NLGN1: variants seen among roughly 807,000 people sequenced by gnomAD.
The protein encoded by NLGN1 is neuroligin 1.
NLGN1 carries 12 observed loss-of-function variants against 65.5 expected under a neutral mutation model. The observed-to-expected ratio is 0.18, with a 90% CI of 0.12 to 0.30. NLGN1 has a LOEUF of 0.30. Ranked by LOEUF, NLGN1 falls within the 10% of genes least tolerant of loss-of-function variation. The probability of loss-of-function intolerance (pLI) is 1.00; values close to 1 mark genes in which losing one functional copy is unlikely to be tolerated. For synonymous variants in NLGN1, 350 were observed against 359.5 expected (o/e 0.97, Z 0.30); for missense variants, 750 against 1,007.1 (o/e 0.74, Z 3.46).
chr3:173,672,051 G>A (rs1285598072), intron 3 of NLGN1, among the ~76,000 whole-genome samples: 1 of 152,162 alleles, frequency 6.6e-6, no homozygotes, highest in African/African-American at 2.4e-5. Flanking sequence ...GCAGATGCCT[G>A]TAGTCCCAGC....
intron 4 of NLGN1, among the ~76,000 whole-genome samples, chr3:173,994,907 G>A (rs968653790): frequency 6.6e-5 from 10 of 152,090 alleles, no homozygotes; most frequent in African/African-American, 2.4e-4. Context: ...GGAAACATAA[G>A]GAGAAGGATG....
At chr3:174,000,344 C>T (rs989021679) in intron 4 of NLGN1, among the ~76,000 whole-genome samples, 4 of 152,250 alleles carry the variant, frequency 2.6e-5, no homozygotes, top group African/African-American at 7.2e-5. Context: ...GCTCTATTCA[C>T]ATTCGTTTTC....
At chr3:173,682,471 C>A (rs1187342753) in intron 3 of NLGN1, among the ~76,000 whole-genome samples, 1 of 151,544 alleles carries the variant, frequency 6.6e-6, no homozygotes, top group Admixed American at 6.6e-5. Flanking sequence ...TGCCTGTAGT[C>A]CCAACTACTC....
intron 4 of NLGN1, among the ~76,000 whole-genome samples, chr3:174,004,163 TGTAGCCC>T: frequency 6.6e-6 from 1 of 152,192 alleles, no homozygotes; most frequent in East Asian, 1.9e-4. Context: ...CTTCAATTTG[TGTAGCCC>T]AAAGATTCCT....
chr3:174,265,415 A>G (rs1747865687), intron 4 of NLGN1, among the ~76,000 whole-genome samples: 1 of 152,046 alleles, frequency 6.6e-6, no homozygotes, highest in African/African-American at 2.4e-5. Flanking sequence ...CGAAAAGCAC[A>G]ATATTCGGAT....
chr3:173,489,256 C>A (rs1179495541), intron 2 of NLGN1, among the ~76,000 whole-genome samples: 1 of 151,834 alleles, frequency 6.6e-6, no homozygotes, highest in Non-Finnish European at 1.5e-5. Context: ...CACAACAGGC[C>A]CCAGTGTGTG....
At chr3:173,418,955 TC>T (rs1212512671) in intron 1 of NLGN1, among the ~76,000 whole-genome samples, 1 of 147,304 alleles carries the variant, frequency 6.8e-6, no homozygotes, top group African/African-American at 2.5e-5. Context: ...TTTGTAAACT[TC>T]CTTAAAATAT....
At chr3:173,876,646 T>A (rs1000386033) in intron 4 of NLGN1, among the ~76,000 whole-genome samples, 1 of 151,960 alleles carries the variant, frequency 6.6e-6, no homozygotes, top group Non-Finnish European at 1.5e-5. Flanking sequence ...AAAATAAAAA[T>A]GTGCTAAAAG....
chr3:173,849,454 T>G (rs1184336065), intron 4 of NLGN1, among the ~76,000 whole-genome samples: 1 of 151,672 alleles, frequency 6.6e-6, no homozygotes, highest in Non-Finnish European at 1.5e-5. Context: ...GACTGCAGAG[T>G]AACAGTGTGT....
intron 4 of NLGN1, among the ~76,000 whole-genome samples, chr3:173,889,051 G>A (rs753107597): frequency 2.6e-5 from 4 of 152,046 alleles, no homozygotes; most frequent in African/African-American, 4.8e-5. Context: ...AATTTGAAAC[G>A]AAAATTGAAG....
intron 4 of NLGN1, among the ~76,000 whole-genome samples, chr3:173,845,165 T>A (rs2150700875): frequency 6.6e-6 from 1 of 152,324 alleles, no homozygotes; most frequent in Admixed American, 6.5e-5. Flanking sequence ...GTTGAATAAA[T>A]TCTAATACAT....
intron 4 of NLGN1, among the ~76,000 whole-genome samples, chr3:173,899,390 A>T (rs569815071): frequency 6.6e-6 from 1 of 152,212 alleles, no homozygotes; most frequent in East Asian, 1.9e-4. Context: ...AGCGTAGAAC[A>T]TTTTTTAATG....
chr3:173,826,875 C>T (rs561640837), intron 4 of NLGN1, among the ~76,000 whole-genome samples: 57 of 152,098 alleles, frequency 3.7e-4, no homozygotes, highest in African/African-American at 1.4e-3. Context: ...AGAAAAAGGT[C>T]TCTGGTTTGC....
chr3:174,160,942 C>T (rs1726385011), intron 4 of NLGN1, among the ~76,000 whole-genome samples: 1 of 151,784 alleles, frequency 6.6e-6, no homozygotes, highest in African/African-American at 2.4e-5. Flanking sequence ...CTCTACTACT[C>T]TGCCCAGCCT....
At chr3:173,527,677 G>A (rs894505583) in intron 2 of NLGN1, among the ~76,000 whole-genome samples, 24 of 152,294 alleles carry the variant, frequency 1.6e-4, no homozygotes, top group African/African-American at 4.3e-4. Context: ...GATTACAGGC[G>A]TGAGCCACTG....
intron 4 of NLGN1, among the ~76,000 whole-genome samples, chr3:174,266,420 A>C (rs772347039): frequency 2.0e-5 from 3 of 152,152 alleles, no homozygotes; most frequent in Admixed American, 6.5e-5. Flanking sequence ...ATATTTCCAC[A>C]GTGCATATGT....
chr3:173,460,985 A>T (rs934476241), intron 2 of NLGN1, among the ~76,000 whole-genome samples: 3 of 152,154 alleles, frequency 2.0e-5, no homozygotes, highest in Non-Finnish European at 2.9e-5. Context: ...CTGTGATTAC[A>T]TCTGGATGGT....
intron 4 of NLGN1, among the ~76,000 whole-genome samples, chr3:174,272,561 G>A (rs1002096334): frequency 4.0e-5 from 6 of 151,552 alleles, no homozygotes; most frequent in African/African-American, 1.5e-4. Context: ...CCTTAATAAA[G>A]ACAGCTGCTA....
At chr3:173,544,259 C>CGTGTGTGT (rs3980148) in intron 2 of NLGN1, among the ~76,000 whole-genome samples, 6,525 of 144,128 alleles carry the variant, frequency 0.045, 307 homozygotes, top group African/African-American at 0.12. Context: ...GATTATATTA[C>CGTGTGTGT]GTGTGTGTGT....
Sources: allele counts gnomAD v4.1 joint callset (sites outside exome capture counted in the v4.1 genomes callset), GRCh38; gene constraint gnomAD v4.1.1; transcripts MANE v1.5; gene names NCBI Gene and HGNC (gene_info 2026-07-23, HGNC 2026-07-21).